ZNF331: variants seen among roughly 807,000 people sequenced by gnomAD.
The protein encoded by ZNF331 is C2H2-like zinc finger protein rearranged in thyroid adenomas.
In ZNF331, 2 loss-of-function variants were observed where a neutral mutation model predicts 7.0. The observed-to-expected ratio is 0.29, with a 90% confidence interval of 0.12 to 0.90. The LOEUF (loss-of-function observed/expected upper bound fraction) is 0.90. Ranked by LOEUF, ZNF331 falls within the 40% of genes least tolerant of loss-of-function variation. ZNF331 has a pLI of 0.58. For synonymous variants in ZNF331, 196 were observed against 205.4 expected, an observed-to-expected ratio of 0.95 and a Z score of 0.39; for missense variants, 432 against 587.7, an observed-to-expected ratio of 0.74 and a Z score of 2.74.
At chr19:53,572,622 C>CA in intron 5 of ZNF331, among the ~76,000 whole-genome samples, 1 of 62,108 alleles carries the variant, frequency 1.6e-5, no homozygotes, top group Non-Finnish European at 3.4e-5. Context: ...TATATATACA[C>CA]ATATATACAT....
chr19:53,506,242 G>A, the ZNF331 span, among the ~76,000 whole-genome samples: 4 of 129,494 alleles, frequency 3.1e-5, no homozygotes, highest in South Asian at 2.8e-4. Context: ...GGCTGAGGCA[G>A]GAGAATGGCG....
intron 3 of ZNF331, among the ~76,000 whole-genome samples, chr19:53,557,002 T>G (rs2089477355): frequency 1.7e-5 from 2 of 114,386 alleles, no homozygotes; most frequent in African/African-American, 6.7e-5. Context: ...TTTTTTTTGG[T>G]AGATACAATG....
At chr19:53,547,543 A>G (rs1471384582) in intron 2 of ZNF331, among the ~76,000 whole-genome samples, 1 of 152,204 alleles carries the variant, frequency 6.6e-6, no homozygotes, top group African/African-American at 2.4e-5. Context: ...CTTTGGATAT[A>G]TACCCAGAGT....
chr19:53,541,863 A>G (rs975103760), intron 2 of ZNF331, among the ~76,000 whole-genome samples: 13 of 152,268 alleles, frequency 8.5e-5, no homozygotes, highest in Non-Finnish European at 1.5e-4. Flanking sequence ...ATTGAAAAAG[A>G]TTAGCCAGGC....
chr19:53,506,462 C>CTCTG, the ZNF331 span, among the ~76,000 whole-genome samples: 68 of 137,368 alleles, frequency 5.0e-4, no homozygotes, highest in African/African-American at 1.8e-3. Flanking sequence ...CTCTCTCTCT[C>CTCTG]TCTCTCTCTC....
chr19:53,522,279 G>C (rs2087115816), intron 1 of ZNF331, among the ~76,000 whole-genome samples: 1 of 146,278 alleles, frequency 6.8e-6, no homozygotes, highest in Admixed American at 6.8e-5. Context: ...TTGAGACAGA[G>C]TCTTGCTCTG....
upstream of ZNF331, among the ~76,000 whole-genome samples, chr19:53,520,812 C>A (rs1386765222): frequency 6.6e-6 from 1 of 151,944 alleles, no homozygotes; most frequent in African/African-American, 2.4e-5. Flanking sequence ...AGGCAGGACG[C>A]CCTTAGGGTC....
intron 2 of ZNF331, among the ~76,000 whole-genome samples, chr19:53,553,925 G>A (rs1414826813): frequency 1.3e-5 from 2 of 152,188 alleles, no homozygotes; most frequent in African/African-American, 4.8e-5. Flanking sequence ...GGAGCAAGAT[G>A]GACTCAGTGT....
intron 2 of ZNF331, among the ~76,000 whole-genome samples, chr19:53,550,987 A>G (rs1018342994): frequency 6.6e-6 from 1 of 150,534 alleles, no homozygotes; most frequent in Non-Finnish European, 1.5e-5. Context: ...GTGCACCACT[A>G]TGCCTAGCTA....
At chr19:53,506,411 C>CT in the ZNF331 span, among the ~76,000 whole-genome samples, 423 of 74,294 alleles carry the variant, frequency 5.7e-3, 9 homozygotes, top group African/African-American at 0.025. Context: ...CTCTCTCTCT[C>CT]CTCTCTCTCT....
chr19:53,554,945 G>A (rs1027384322), intron 2 of ZNF331: 1 of 153,666 alleles, frequency 6.5e-6, no homozygotes, highest in African/African-American at 2.4e-5. Flanking sequence ...GTGGCCCACG[G>A]ATGTGCCTTT....
the ZNF331 span, among the ~76,000 whole-genome samples, chr19:53,504,633 T>C: frequency 6.6e-6 from 1 of 152,244 alleles, no homozygotes. Flanking sequence ...TGCGAAGTTC[T>C]TGCTGTCATT....
upstream of ZNF331, among the ~76,000 whole-genome samples, chr19:53,534,385 T>G (rs1396394571): frequency 6.6e-6 from 1 of 152,164 alleles, no homozygotes; most frequent in African/African-American, 2.4e-5. Flanking sequence ...CCTCCCAGAT[T>G]CAAGCGATTC....
At chr19:53,521,024 G>A (rs1357601875) in exon 1 of ZNF331, 2 of 152,290 alleles carry the variant, frequency 1.3e-5, no homozygotes, top group African/African-American at 4.8e-5. Context: ...AGAGGGCCTT[G>A]GGGCACAGTC....
At chr19:53,559,447 TAC>T (rs1389712443) in intron 3 of ZNF331, among the ~76,000 whole-genome samples, 1 of 146,902 alleles carries the variant, frequency 6.8e-6, no homozygotes, top group South Asian at 2.1e-4. Flanking sequence ...TATACATATA[TAC>T]ACACATATAT....
At chr19:53,570,408 C>G (rs1231478437) in intron 4 of ZNF331, among the ~76,000 whole-genome samples, 1 of 152,164 alleles carries the variant, frequency 6.6e-6, no homozygotes, top group Non-Finnish European at 1.5e-5. Flanking sequence ...AAGTGAATAA[C>G]TGTAATAAAC....
chr19:53,525,615 T>C (rs1162433065), intron 2 of ZNF331, among the ~76,000 whole-genome samples: 1 of 152,140 alleles, frequency 6.6e-6, no homozygotes, highest in Non-Finnish European at 1.5e-5. Flanking sequence ...TTGTAAGGGA[T>C]ACTATTGATT....
rs2090851673 is a variant in ZNF331 at position 53,579,547 on chromosome 19, A to G, written c.*1595A>G. 9.8e-6 allele frequency: 2 copies of G among 203,728 alleles called. No homozygotes were observed. The highest frequency in any genetic ancestry group is 2.0e-5 in the Non-Finnish European group (2 of 99,064). The allele number at this position is 203,728 out of a possible 1,614,324, so 12.6% of individuals were successfully genotyped here. Reference sequence around the variant, plus strand: ...AACTGGAATATTGTGTAATTTTAATAAATAATAACTATTGTTGTTTTTATG... The same window carrying G: ...AACTGGAATATTGTGTAATTTTAATGAATAATAACTATTGTTGTTTTTATG... On this transcript the variant is annotated 3_prime_UTR_variant, in exon 6 of 6. Coordinates refer to ENST00000449416, the MANE Select transcript of ZNF331 (RefSeq NM_001079906.2).
chr19:53,509,027 G>A, the ZNF331 span, among the ~76,000 whole-genome samples: 30 of 152,136 alleles, frequency 2.0e-4, no homozygotes, highest in African/African-American at 6.5e-4. Flanking sequence ...AATCACCTCC[G>A]TGAGTCCCAG....
Sources: allele counts gnomAD v4.1 joint callset (sites outside exome capture counted in the v4.1 genomes callset), GRCh38; gene constraint gnomAD v4.1.1; transcripts MANE v1.5; gene names NCBI Gene and HGNC (gene_info 2026-07-23, HGNC 2026-07-21).